LONRF3: variants seen among roughly 807,000 people sequenced by gnomAD.
The protein encoded by LONRF3 is LON peptidase N-terminal domain and RING finger protein 3.
Under a neutral mutation model 51.7 loss-of-function variants are expected in LONRF3, and 19 were observed. The observed-to-expected ratio is 0.37, with a 90% CI of 0.26 to 0.54. The LOEUF is 0.54. LONRF3 is among the 20% of genes least tolerant of loss of function. The pLI, the probability that LONRF3 is intolerant of heterozygous loss-of-function variation, is 0.86. For synonymous variants in LONRF3, 265 were observed against 257.8 expected (o/e 1.03, Z -0.27); for missense variants, 521 against 623.9 (o/e 0.84, Z 1.76).
chrX:118,984,368 G>T (rs1922797932), intron 3 of LONRF3, among the ~76,000 whole-genome samples: 1 of 112,527 alleles, frequency 8.9e-6, no homozygotes, highest in South Asian at 3.7e-4. Flanking sequence ...GAACTTTCCA[G>T]TTCCAGGATG....
Position 118,975,045 on chromosome X carries a change from G to A in LONRF3, c.265G>A (p.Val89Met), listed in dbSNP as rs1921875775. 1.7e-6 allele frequency: 2 copies of A among 1,173,569 alleles called. No homozygotes were observed. The highest frequency in any genetic ancestry group is 3.5e-5 in the African/African-American group (2 of 56,560). The change falls in exon 1 of 11, where the codon GTG (valine) becomes ATG (methionine). Residue 89 changes from valine (V) to methionine (M), a missense_variant. Physicochemically the swap from Val to Met is conservative, Grantham distance 21 (BLOSUM62 1). Coordinates refer to ENST00000371628, the MANE Select transcript of LONRF3 (RefSeq NM_001031855.3). ...SRGRIREALE[V>M]YRQLSERQQL... ...GGGGCGAATCCGTGAAGCCCTCGAG[G>A]TGTATAGACAGCTCTCCGAGCGGCA...
intron 10 of LONRF3, 102 bp downstream of exon 10, chrX:119,014,458 G>C: frequency 1.3e-6 from 1 of 777,398 alleles, no homozygotes; most frequent in Non-Finnish European, 1.9e-6. Context: ...CACATCGAAT[G>C]CAGAGAGGAA....
At chrX:119,016,237 T>C (rs1176349882) in intron 10 of LONRF3, among the ~76,000 whole-genome samples, 1 of 111,938 alleles carries the variant, frequency 8.9e-6, no homozygotes, top group Non-Finnish European at 1.9e-5. Context: ...AAGTACCCAA[T>C]GTCTAAAATA....
chrX:118,989,533 A>G lies in LONRF3; in HGVS notation c.1185A>G (p.Glu395=), dbSNP rs1042642443. The G allele has an allele frequency of 3.3e-6, 4 of 1,211,710 alleles. No homozygotes were observed. The highest frequency in any genetic ancestry group is 4.5e-6 in the Non-Finnish European group (4 of 895,506). Residue 395 remains glutamate (E), a synonymous_variant, in exon 4 of 11, where the codon GAA becomes GAG. Transcript: ENST00000371628. ...DGQQHHMKDQ[E]EEEEKWDATS... ...AGCAGCACCACATGAAAGACCAGGA[A>G]GAAGAGGAGGAGAAGTGGGATGCTA...
At position 118,992,766 on chromosome X, in the gene LONRF3, A is replaced by C. The variant is rs551190689; in HGVS notation, c.1415+2206A>C. ...AAAGCTAAGAAGCCTCATGGAGTCC[A>C]TTGCACCCACCACCACCTCCACCAG... On this transcript the variant is annotated intron_variant, in intron 5 of 10. Transcript: ENST00000371628. Among the ~76,000 whole-genome samples the C allele has an allele frequency of 3.1e-4, 34 of 111,237 alleles. No homozygotes were observed. In the South Asian group the frequency reaches 0.012, roughly 41 times the overall value.
intron 3 of LONRF3, among the ~76,000 whole-genome samples, chrX:118,987,798 A>T (rs1328251516): frequency 9.0e-6 from 1 of 111,413 alleles, no homozygotes; most frequent in Non-Finnish European, 1.9e-5. Flanking sequence ...CCTCAAATGG[A>T]TGTAATTTCA....
intron 3 of LONRF3, 87 bp downstream of exon 3, chrX:118,983,030 C>A (rs1303117749): frequency 9.4e-7 from 1 of 1,058,757 alleles, no homozygotes; most frequent in African/African-American, 1.9e-5. Flanking sequence ...GTGCTGTCCT[C>A]CTTGGCATTT....
chrX:118,990,405 C>T, intron 4 of LONRF3, 65 bp from the exon 5 acceptor site: 1 of 867,512 alleles, frequency 1.2e-6, no homozygotes. Flanking sequence ...ATTATTTTGC[C>T]TCAGAAGTAC....
intron 5 of LONRF3, among the ~76,000 whole-genome samples, chrX:118,999,106 C>T (rs1404943358): frequency 2.7e-5 from 3 of 112,308 alleles, no homozygotes; most frequent in African/African-American, 9.7e-5. Context: ...TGACTGAAAA[C>T]GAGTAACACA....
rs762546449 is a variant in LONRF3 at position 119,011,818 on chromosome X, T to G, written c.1656T>G (p.Leu552=). Residue 552 remains leucine, a synonymous_variant, in exon 8 of 11, where the codon CTT becomes CTG. Transcript: ENST00000371628. ...YEEEMEELSN[L]NKNVPIFVCT... ...TGTCATTTTCTCTTTCTGACAGCCT[T>G]AATAAGAATGTGCCTATTTTCGTGT... The G allele has an allele frequency of 3.3e-6, 4 of 1,210,913 alleles. No homozygotes were observed. The Admixed American group carries it at 6.5e-5, about 20-fold the overall frequency.
chrX:119,014,301 A>G lies in LONRF3; in HGVS notation c.2069A>G (p.Lys690Arg), dbSNP rs1331194044. 1.7e-6 allele frequency: 2 copies of G among 1,209,137 alleles called. No individual in the cohort carries two copies. The highest frequency in any genetic ancestry group is 2.3e-4 in the Middle Eastern group (1 of 4,373). Residue 690 changes from lysine to arginine, a missense_variant, in exon 10 of 11, where the codon AAG (lysine) becomes AGG (arginine). Physicochemically the swap from Lys to Arg is conservative, Grantham distance 26. Around this residue, in one of 2 missense-constraint regions of LONRF3, gnomAD observed 145 missense variants for 247.2 expected, o/e 0.59. Coordinates refer to ENST00000371628, the MANE Select transcript of LONRF3 (RefSeq NM_001031855.3). ...LWFHSLKLSL[K>R]NRILNHFGPM... The stretch of plus-strand genomic sequence containing the variant: ...TTTCATTCGCTCAAATTATCCCTAA[A>G]GAATCGGATACTCAATCACTTTGGT...
intron 3 of LONRF3, among the ~76,000 whole-genome samples, chrX:118,984,313 A>G (rs1603247663): frequency 8.9e-6 from 1 of 112,422 alleles, no homozygotes; most frequent in East Asian, 2.8e-4. Context: ...GGACATGGCC[A>G]CAGCCTTAGC....
At chrX:118,997,212 T>C (rs752674701) in intron 5 of LONRF3, among the ~76,000 whole-genome samples, 1 of 111,774 alleles carries the variant, frequency 8.9e-6, no homozygotes, top group South Asian at 3.8e-4. Flanking sequence ...AACTATCTGA[T>C]TTCAAACTAT....
At chrX:118,999,113 C>T (rs1419186369) in intron 5 of LONRF3, among the ~76,000 whole-genome samples, 1 of 112,280 alleles carries the variant, frequency 8.9e-6, no homozygotes, top group African/African-American at 3.2e-5. Flanking sequence ...AAACGAGTAA[C>T]ACAGCCGTTA....
intron 9 of LONRF3, among the ~76,000 whole-genome samples, chrX:119,013,614 C>T (rs1358311634): frequency 1.8e-5 from 2 of 111,981 alleles, no homozygotes; most frequent in Admixed American, 1.9e-4. Flanking sequence ...TTTTAAAGTA[C>T]GTAACCTGGC....
chrX:118,998,334 C>T (rs1442265406), intron 5 of LONRF3, among the ~76,000 whole-genome samples: 2 of 111,905 alleles, frequency 1.8e-5, no homozygotes, highest in Non-Finnish European at 3.8e-5. Flanking sequence ...AGATTGGAGA[C>T]TATTTTAAGT....
At chrX:118,977,831 TTTC>T (rs1013770131) in intron 1 of LONRF3, among the ~76,000 whole-genome samples, 2 of 112,151 alleles carry the variant, frequency 1.8e-5, no homozygotes, top group Admixed American at 1.9e-4. Context: ...GTATTTCCAT[TTTC>T]TTCAAGAAAT....
chrX:118,975,168 A>G lies in LONRF3; in HGVS notation c.388A>G (p.Ser130Gly), dbSNP rs763215002. The change falls in exon 1 of 11, where the codon AGC (serine) becomes GGC (glycine). Residue 130 changes from serine to glycine, a missense_variant. Transcript: ENST00000371628. ...GGCGCCGGCGCCCCCGGACGAGGGT[A>G]GCACTGCAAGCGGCACCGTGGCGGC... ...ALAPAPPDEGSTASGTVAAEE... is the reference protein window; with the variant it reads ...ALAPAPPDEGGTASGTVAAEE... 66 of 1,174,103 alleles carry G rather than the reference A, an allele frequency of 5.6e-5. 1 individual carries two copies. The Admixed American group carries it at 1.6e-3, about 28-fold the overall frequency.
intron 5 of LONRF3, among the ~76,000 whole-genome samples, chrX:119,001,736 T>C (rs1047107934): frequency 1.5e-4 from 17 of 112,807 alleles, no homozygotes; most frequent in Admixed American, 1.5e-3. Context: ...AATCACAGCT[T>C]TTGCTAAGAG....
Sources: allele counts gnomAD v4.1 joint callset (sites outside exome capture counted in the v4.1 genomes callset), GRCh38; gene constraint gnomAD v4.1.1; regional missense constraint gnomAD v4.1.1; transcripts MANE v1.5; gene names NCBI Gene and HGNC (gene_info 2026-07-23, HGNC 2026-07-21).